Variants in FHIP1A observed in about 807,000 individuals in gnomAD.
FHIP1A encodes FHF complex subunit HOOK-interacting protein 1A.
In FHIP1A, 61 loss-of-function variants were observed where a neutral mutation model predicts 88.6. That is an observed-to-expected ratio of 0.69 (90% CI 0.56 to 0.85). The LOEUF (loss-of-function observed/expected upper bound fraction) is 0.85, where lower values mean the gene tolerates loss of function less well. FHIP1A is among the 40% of genes least tolerant of loss of function. The pLI, the probability that FHIP1A is intolerant of heterozygous loss-of-function variation, is 0.00. For missense variants in FHIP1A, 1,154 were observed against 1,273.5 expected, an observed-to-expected ratio of 0.91 and a Z score of 1.43; for synonymous variants, 478 against 496.0, an observed-to-expected ratio of 0.96 and a Z score of 0.48.
intron 10 of FHIP1A, among the ~76,000 whole-genome samples, chr4:151,648,330 G>A (rs996453386): frequency 6.6e-6 from 1 of 152,148 alleles, no homozygotes; most frequent in African/African-American, 2.4e-5. Context: ...TGTAGTAAGT[G>A]CGCAATAAAT....
At chr4:151,548,813 T>C (rs1444137203) in intron 3 of FHIP1A, among the ~76,000 whole-genome samples, 1 of 152,212 alleles carries the variant, frequency 6.6e-6, no homozygotes, top group Non-Finnish European at 1.5e-5. Context: ...TCCCAGCTAC[T>C]TGGTGTTGGA....
chr4:151,561,873 A>G (rs1450604654), intron 3 of FHIP1A, among the ~76,000 whole-genome samples: 1 of 152,194 alleles, frequency 6.6e-6, no homozygotes, highest in African/African-American at 2.4e-5. Context: ...GATTTCTTAT[A>G]AAGATTTTTG....
chr4:151,578,861 A>C (rs947955175), intron 5 of FHIP1A, among the ~76,000 whole-genome samples: 7 of 152,210 alleles, frequency 4.6e-5, no homozygotes, highest in African/African-American at 1.7e-4. Context: ...GTCCTTTAGC[A>C]GGTGAATAGA....
chr4:151,532,404 G>GT (rs1456304153), intron 3 of FHIP1A, among the ~76,000 whole-genome samples: 1 of 152,126 alleles, frequency 6.6e-6, no homozygotes, highest in Non-Finnish European at 1.5e-5. Context: ...CTGTTGTGCA[G>GT]TTTTCATGGA....
rs775652827 is a variant in FHIP1A, at chr4:151,566,288, A to C, written c.29A>C (p.Lys10Thr). 1.9e-6 allele frequency: 3 copies of C among 1,550,752 alleles called. No individual in the cohort carries two copies. In the South Asian group the frequency reaches 3.6e-5, roughly 18 times the overall value. ...ATGTCATCGGTTTCGACAGAAAGCA[A>C]ACTCCAGCAGGCTGTGAGCCTACAG... MMSSVSTES[K>T]LQQAVSLQGV... The change falls in exon 4 of 14, where the codon AAA becomes ACA. Residue 10 changes from lysine (K) to threonine (T), a missense_variant. Coordinates refer to ENST00000435205, the MANE Select transcript of FHIP1A (RefSeq NM_001109977.3).
At chr4:151,495,998 A>C (rs1217510129) in intron 3 of FHIP1A, among the ~76,000 whole-genome samples, 1 of 152,016 alleles carries the variant, frequency 6.6e-6, no homozygotes, top group African/African-American at 2.4e-5. Context: ...CAATATGTCT[A>C]CCGTTTTGAT....
intron 3 of FHIP1A, among the ~76,000 whole-genome samples, chr4:151,526,172 C>G (rs1035984190): frequency 1.3e-5 from 2 of 152,220 alleles, no homozygotes; most frequent in East Asian, 1.9e-4. Context: ...CACACAGACA[C>G]GGCAACCATC....
chr4:151,578,619 G>C (rs1733903399), intron 5 of FHIP1A, among the ~76,000 whole-genome samples: 1 of 152,168 alleles, frequency 6.6e-6, no homozygotes, highest in African/African-American at 2.4e-5. Flanking sequence ...AGATGTGGAG[G>C]AGTAGAAACT....
intron 4 of FHIP1A, among the ~76,000 whole-genome samples, chr4:151,568,327 T>C (rs2126775361): frequency 6.6e-6 from 1 of 152,332 alleles, no homozygotes; most frequent in Middle Eastern, 3.4e-3. Context: ...ATATTTTCTT[T>C]TATAAAGTTG....
At chr4:151,635,623 G>A (rs1209312900) in intron 8 of FHIP1A, among the ~76,000 whole-genome samples, 1 of 151,890 alleles carries the variant, frequency 6.6e-6, no homozygotes, top group African/African-American at 2.4e-5. Flanking sequence ...AGTGAAGTAA[G>A]CCAGTCACAA....
intron 8 of FHIP1A, among the ~76,000 whole-genome samples, chr4:151,630,588 G>A (rs1286002160): frequency 1.3e-5 from 2 of 151,936 alleles, no homozygotes; most frequent in East Asian, 1.9e-4. Flanking sequence ...TATACTGGAA[G>A]CCCTAGAGCA....
chr4:151,649,622 C>G lies in FHIP1A; in HGVS notation c.1581C>G (p.Gly527=). The G allele has an allele frequency of 6.4e-7, 1 of 1,551,662 alleles. No homozygotes were observed. Among genetic ancestry groups the G allele is most frequent in the Non-Finnish European group, 8.7e-7 (1 of 1,146,964 alleles). The change falls in exon 11 of 14, where the codon GGC becomes GGG. Residue 527 remains glycine (G), a synonymous_variant. Transcript: ENST00000435205. ...DCRVWSALYD[G]DSPDPEMFLQ... ...GTGTCTGGTCCGCCCTGTATGATGG[C>G]GACTCCCCCGACCCTGAGATGTTTC...
chr4:151,488,162 A>T (rs908126210), intron 3 of FHIP1A, among the ~76,000 whole-genome samples: 2 of 152,138 alleles, frequency 1.3e-5, no homozygotes, highest in Non-Finnish European at 2.9e-5. Context: ...TAGCTCCTCC[A>T]CAATCAGTCA....
intron 3 of FHIP1A, among the ~76,000 whole-genome samples, chr4:151,521,505 G>T (rs1194211066): frequency 6.6e-6 from 1 of 152,042 alleles, no homozygotes; most frequent in African/African-American, 2.4e-5. Context: ...TCTAATCAGG[G>T]TCTGATAGCT....
intron 3 of FHIP1A, among the ~76,000 whole-genome samples, chr4:151,511,132 G>C (rs751129245): frequency 2.0e-5 from 3 of 152,158 alleles, no homozygotes; most frequent in Non-Finnish European, 4.4e-5. Context: ...ACTAGACAGA[G>C]AGCTCTTTGG....
At chr4:151,502,496 A>G (rs1730689923) in intron 3 of FHIP1A, among the ~76,000 whole-genome samples, 1 of 152,224 alleles carries the variant, frequency 6.6e-6, no homozygotes. Context: ...GAGGGGTTCA[A>G]AAGAAGATTT....
At chr4:151,617,612 G>A (rs548220347) in intron 7 of FHIP1A, among the ~76,000 whole-genome samples, 12 of 152,246 alleles carry the variant, frequency 7.9e-5, no homozygotes, top group South Asian at 2.1e-4. Context: ...TGGGCCAGGC[G>A]CGGTGGCTCA....
intron 7 of FHIP1A, among the ~76,000 whole-genome samples, chr4:151,599,768 T>G (rs1734792617): frequency 6.6e-6 from 1 of 152,158 alleles, no homozygotes; most frequent in Non-Finnish European, 1.5e-5. Flanking sequence ...CAAGGTGCAT[T>G]TCCAAGGCCA....
chr4:151,638,821 C>A, intron 9 of FHIP1A, 65 bp downstream of exon 9: 1 of 868,190 alleles, frequency 1.2e-6, no homozygotes, highest in Non-Finnish European at 1.8e-6. Context: ...ACTTTATATT[C>A]ATATACTTTG....
Sources: allele counts gnomAD v4.1 joint callset (sites outside exome capture counted in the v4.1 genomes callset), GRCh38; gene constraint gnomAD v4.1.1; transcripts MANE v1.5; gene names NCBI Gene and HGNC (gene_info 2026-07-23, HGNC 2026-07-21).